The following ZNF142 variants were observed in gnomAD, a reference collection of about 807,000 sequenced individuals.
ZNF142 encodes the protein zinc finger protein 142.
Under a neutral mutation model 132.1 loss-of-function variants are expected in ZNF142, and 96 were observed. The observed-to-expected ratio is 0.73, with a 90% confidence interval of 0.62 to 0.86. The LOEUF is 0.86. Ranked by LOEUF, ZNF142 falls within the 40% of genes least tolerant of loss-of-function variation. The pLI is 0.00. For synonymous variants in ZNF142, 842 were observed against 890.1 expected, an observed-to-expected ratio of 0.95 and a Z score of 0.96; for missense variants, 2,163 against 2,336.2, an observed-to-expected ratio of 0.93 and a Z score of 1.53.
At position 218,633,956 on chromosome 2, in the gene ZNF142, TG is replaced by T; in HGVS notation, c.*4382del. ...GGGTCTAGGGGCAGGAAAGCTGGTCTGGATGGACAGAGTAGAGAGGCACAGT... is the reference window on the plus strand; with the variant it reads ...GGGTCTAGGGGCAGGAAAGCTGGTCTGATGGACAGAGTAGAGAGGCACAGT... On this transcript the variant is annotated 3_prime_UTR_variant, in exon 11 of 11. Coordinates refer to ENST00000411696, the MANE Select transcript of ZNF142 (RefSeq NM_001379659.1). The T allele has an allele frequency of 8.0e-7, 1 of 1,247,292 alleles. No homozygotes were observed. The highest frequency in any genetic ancestry group is 1.1e-6 in the Non-Finnish European group (1 of 897,858). 77.3% of individuals were successfully genotyped at this position (1,247,292 alleles called of 1,614,324 possible).
Position 218,637,968 on chromosome 2 carries a change from G to T in ZNF142, c.*371C>A. 5.5e-6 allele frequency: 1 copy of T among 180,968 alleles called. No homozygotes were observed. 11.2% of individuals were successfully genotyped at this position (180,968 alleles called of 1,614,324 possible). ...TTAGGCACAACAGCACATGCGGTTAGATACAACTGTTTTTAGAAGATTCTG... is the reference window on the plus strand; with the variant it reads ...TTAGGCACAACAGCACATGCGGTTATATACAACTGTTTTTAGAAGATTCTG... On this transcript the variant is annotated 3_prime_UTR_variant, in exon 11 of 11. Coordinates refer to ENST00000411696, the MANE Select transcript of ZNF142 (RefSeq NM_001379659.1).
In ZNF142 at chr2:218,634,128, ACTTGG is replaced by A; in HGVS notation, c.*4206_*4210del. On this transcript the variant is annotated 3_prime_UTR_variant, in exon 11 of 11. Transcript: ENST00000411696. This position sits in a 1 kb window ranked among gnomAD's most constrained non-coding sequence, Gnocchi z 4.0. ...AGGCAATGAGTTTGTGCAGCACAAT[ACTTGG>A]CAGTTAAGCCGTGTGTATCCCAGCG... The A allele has an allele frequency of 6.2e-7, 1 of 1,611,958 alleles. No individual in the cohort carries two copies.
In ZNF142 at chr2:218,638,117, C is replaced by T. The variant is rs948338898; in HGVS notation, c.*222G>A. On this transcript the variant is annotated 3_prime_UTR_variant, in exon 11 of 11. Transcript: ENST00000411696. ...AAACTGAGAACTTGCAGGTTAAAAA[C>T]GCAATGTACAGCAATAAGAAATCAA... The T allele has an allele frequency of 2.3e-5, 9 of 399,892 alleles. No individual in the cohort carries two copies. In the South Asian group the frequency reaches 4.1e-4, roughly 18 times the overall value. 24.8% of individuals were successfully genotyped at this position (399,892 alleles called of 1,614,324 possible). A position where few individuals can be genotyped will look rare whatever the true frequency, so the allele number is the denominator to read the frequency against.
Position 218,649,428 on chromosome 2 carries a change from G to T in ZNF142, c.1080C>A (p.Phe360Leu), listed in dbSNP as rs1559299926. The change falls in exon 7 of 11, where the codon TTC becomes TTA. Residue 360 changes from phenylalanine to leucine, a missense_variant. By Grantham distance (22) the Phe-to-Leu change is conservative. This residue lies in a region of ZNF142 where 749 missense variants were observed against 830.3 expected (regional missense o/e 0.90). Coordinates refer to ENST00000411696, the MANE Select transcript of ZNF142 (RefSeq NM_001379659.1). ...GDVVSGTESL[F>L]KTHMCPECKR... ...TACACTCTGGACACATATGGGTCTT[G>T]AAGAGGGACTCGGTGCCAGAGACCA... is the stretch of plus-strand genomic sequence containing the variant. 1.9e-6 allele frequency: 3 copies of T among 1,608,582 alleles called. No homozygotes were observed. Among genetic ancestry groups the T allele is most frequent in the Non-Finnish European group, 2.5e-6 (3 of 1,176,896 alleles).
chr2:218,648,775 G>A lies in ZNF142; in HGVS notation c.1733C>T (p.Pro578Leu), dbSNP rs776870429. ...AGCCACTGGGTTGAAGGTGGCAAAG[G>A]GGCAGAAGGTGCAGCGCAGCTCTTC... ...GSEELRCTFC[P>L]FATFNPVAYQ... The change falls in exon 7 of 11, where the codon CCC (proline) becomes CTC (leucine). Residue 578 changes from proline (P) to leucine (L), a missense_variant. This residue lies in a region of ZNF142 where 749 missense variants were observed against 830.3 expected (regional missense o/e 0.90). Coordinates refer to ENST00000411696, the MANE Select transcript of ZNF142 (RefSeq NM_001379659.1). The A allele has an allele frequency of 1.2e-6, 2 of 1,614,204 alleles. No homozygotes were observed. Among genetic ancestry groups the A allele is most frequent in the South Asian group, 2.2e-5 (2 of 91,074 alleles).
rs145252562 is a variant in ZNF142 at position 218,635,883 on chromosome 2, G to T, written c.*2456C>A. On this transcript the variant is annotated 3_prime_UTR_variant, in exon 11 of 11. Transcript: ENST00000411696. The stretch of plus-strand genomic sequence containing the variant: ...ACTGGTGAAAGTGCAGATCTTTGGC[G>T]TTCGTCTAGACACAGCACGGCAGGA... 1 of 1,613,858 alleles carries T rather than the reference G, an allele frequency of 6.2e-7. No homozygotes were observed. Among genetic ancestry groups the T allele is most frequent in the African/African-American group, 1.3e-5 (1 of 74,902 alleles).
chr2:218,650,294 T>C, intron 6 of ZNF142, 65 bp downstream of exon 6: 3 of 1,600,090 alleles, frequency 1.9e-6, no homozygotes, highest in Non-Finnish European at 2.6e-6. Flanking sequence ...AGAGCCTCAA[T>C]GGCAGGGTTT....
chr2:218,653,122 T>C (rs909973842), intron 4 of ZNF142, among the ~76,000 whole-genome samples: 1 of 151,738 alleles, frequency 6.6e-6, no homozygotes, highest in Non-Finnish European at 1.5e-5. Context: ...CTACTAAAAA[T>C]ACAAAAAATT....
rs1292329026 is a variant in ZNF142 at position 218,658,772 on chromosome 2, C to A, written c.-106G>T. On this transcript the variant is annotated 5_prime_UTR_variant, in exon 3 of 11. Coordinates refer to ENST00000411696, the MANE Select transcript of ZNF142 (RefSeq NM_001379659.1). ...GGCCTCCGGGGGGAGCCAAGGAGGA[C>A]GCTGAGCCGTCAAGATTAAGAACCT... is the stretch of plus-strand genomic sequence containing the variant. 6.6e-6 allele frequency: 1 copy of A among 152,052 alleles called. No individual in the cohort carries two copies. The highest frequency in any genetic ancestry group is 1.5e-5 in the Non-Finnish European group (1 of 68,046). The allele number at this position is 152,052 out of a possible 1,614,324, so 9.4% of individuals were successfully genotyped here.
chr2:218,648,502 T>C (rs1937642822), intron 7 of ZNF142, 133 bp downstream of exon 7: 1 of 843,786 alleles, frequency 1.2e-6, no homozygotes, highest in Non-Finnish European at 1.8e-6. Context: ...TTAAGGCTCA[T>C]TTGTAAACTT....
At chr2:218,650,808 TG>T (rs1307178705) in intron 5 of ZNF142, among the ~76,000 whole-genome samples, 2 of 152,206 alleles carry the variant, frequency 1.3e-5, no homozygotes, top group East Asian at 3.8e-4. Context: ...CATAGGGGGC[TG>T]AAAGTAGAGA....
rs1183039656 is a variant in ZNF142 at position 218,633,750 on chromosome 2, T to C, written c.*4589A>G. The C allele has an allele frequency of 9.9e-6, 16 of 1,613,792 alleles. No individual in the cohort carries two copies. The highest frequency in any genetic ancestry group is 1.6e-4 in the Middle Eastern group (1 of 6,062). Reference sequence around the variant, plus strand: ...TCTGAAACCAAGGCCAAGCGCCTCATCAAGGAGGCTGGTCAGGACCAAAAT... The same window carrying C: ...TCTGAAACCAAGGCCAAGCGCCTCACCAAGGAGGCTGGTCAGGACCAAAAT... On this transcript the variant is annotated 3_prime_UTR_variant, in exon 11 of 11. Transcript: ENST00000411696.
chr2:218,636,782 T>C lies in ZNF142; in HGVS notation c.*1557A>G, dbSNP rs1696784423. On this transcript the variant is annotated 3_prime_UTR_variant, in exon 11 of 11. Transcript: ENST00000411696. ...TCTCTTTTCTTCCCTTCCTTTGTTTTCATAAGCCTTTGGTATCTTTCCTGC... is the reference window on the plus strand; with the variant it reads ...TCTCTTTTCTTCCCTTCCTTTGTTTCCATAAGCCTTTGGTATCTTTCCTGC... 1 of 644,408 alleles carries C rather than the reference T, an allele frequency of 1.6e-6. No homozygotes were observed. Among genetic ancestry groups the C allele is most frequent in the African/African-American group, 1.8e-5 (1 of 54,748 alleles). 39.9% of individuals were successfully genotyped at this position (644,408 alleles called of 1,614,324 possible).
In ZNF142 at chr2:218,651,934, T is replaced by C. The variant is rs1229847068; in HGVS notation, c.647A>G (p.Gln216Arg). The C allele has an allele frequency of 8.3e-7, 1 of 1,200,364 alleles. No homozygotes were observed. The highest frequency in any genetic ancestry group is 1.1e-6 in the Non-Finnish European group (1 of 907,148). The allele number at this position is 1,200,364 out of a possible 1,614,324, so 74.4% of individuals were successfully genotyped here. A position where few individuals can be genotyped will look rare whatever the true frequency, so the allele number is the denominator to read the frequency against. ...GGGCACAGGAACTGCTCTGTGAGTC[T>C]GCCTCAGGTGGTGCTGCAGACCCTT... ...DRKGLQHHLR[Q>R]THRAVPVPCS... is the part of the protein sequence containing the mutation. Residue 216 changes from glutamine to arginine, a missense_variant, in exon 5 of 11, where the codon CAG becomes CGG. Transcript: ENST00000411696.
Position 218,636,644 on chromosome 2 carries a change from T to G in ZNF142, c.*1695A>C. The G allele has an allele frequency of 6.7e-7, 1 of 1,488,626 alleles. No homozygotes were observed. The highest frequency in any genetic ancestry group is 1.8e-4 in the Middle Eastern group (1 of 5,666). 92.2% of individuals were successfully genotyped at this position (1,488,626 alleles called of 1,614,324 possible). A position where few individuals can be genotyped will look rare whatever the true frequency, so the allele number is the denominator to read the frequency against. ...CGGGGAGAAACATCTGGAAGGATGC[T>G]CGAGAGAACAAATGGAGGTGGTGAA... On this transcript the variant is annotated 3_prime_UTR_variant, in exon 11 of 11. Coordinates refer to ENST00000411696, the MANE Select transcript of ZNF142 (RefSeq NM_001379659.1).
At chr2:218,651,502 A>C (rs1290715101) in intron 5 of ZNF142, among the ~76,000 whole-genome samples, 199 bp downstream of exon 5, 1 of 152,216 alleles carries the variant, frequency 6.6e-6, no homozygotes, top group East Asian at 1.9e-4. Context: ...GTCACAAACA[A>C]AGACTTCCTC....
At chr2:218,650,321 C>T (rs1429408664) in intron 6 of ZNF142, 38 bp downstream of exon 6, 1 of 1,613,124 alleles carries the variant, frequency 6.2e-7, no homozygotes, top group East Asian at 2.2e-5. Flanking sequence ...TCCATTCTTC[C>T]CCACCACCAA....
In ZNF142 at chr2:218,642,491, C is replaced by T. The variant is rs546595188; in HGVS notation, c.4625G>A (p.Ser1542Asn). The T allele has an allele frequency of 5.6e-6, 9 of 1,607,324 alleles. No homozygotes were observed. The highest frequency in any genetic ancestry group is 1.3e-5 in the African/African-American group (1 of 74,954). ...CTGTTTACGGGTGTGTCCTCGTAAG[C>T]TGGCAGGGCTGGGGCACAGCAACCC... Reference protein sequence around the residue: ...RCGLLCPSPASLRGHTRKQHP... With the variant: ...RCGLLCPSPANLRGHTRKQHP... Residue 1542 changes from serine to asparagine, a missense_variant, in exon 9 of 11, where the codon AGC becomes AAC. This residue lies in a region of ZNF142 where 809 missense variants were observed against 801.7 expected (regional missense o/e 1.01). Coordinates refer to ENST00000411696, the MANE Select transcript of ZNF142 (RefSeq NM_001379659.1). The surrounding 1 kb of genome is among the most constrained non-coding windows in gnomAD (Gnocchi z 4.6).
At position 218,644,731 on chromosome 2, in the gene ZNF142, G is replaced by A. The variant is rs752504410; in HGVS notation, c.2385C>T (p.Ala795=). 1.9e-6 allele frequency: 3 copies of A among 1,614,108 alleles called. No homozygotes were observed. Among genetic ancestry groups the A allele is most frequent in the Admixed American group, 1.7e-5 (1 of 60,010 alleles). ...NTTLLFHKRK[A]HGYVPGDQAW... Reference sequence around the variant, plus strand: ...CCTGGTCTCCAGGTACATAGCCATGGGCCTTGCGTTTATGGAACAAGAGTG... The same window carrying A: ...CCTGGTCTCCAGGTACATAGCCATGAGCCTTGCGTTTATGGAACAAGAGTG... The change falls in exon 9 of 11, where the codon GCC becomes GCT. Residue 795 remains alanine, a synonymous_variant. Transcript: ENST00000411696. This position sits in a 1 kb window ranked among gnomAD's most constrained non-coding sequence, Gnocchi z 4.6.
Sources: gnomAD v4.1 joint callset for allele counts (sites outside exome capture counted in the v4.1 genomes callset) on GRCh38, gnomAD v4.1.1 for gene constraint, gnomAD v4.1.1 regional missense constraint, Gnocchi (gnomAD v3.1) non-coding constraint, MANE v1.5 for transcripts, NCBI Gene and HGNC (gene_info 2026-07-23, HGNC 2026-07-21) for gene names.